FBXL2: variants seen among roughly 807,000 people sequenced by gnomAD.
The protein encoded by FBXL2 is F-box and leucine rich repeat protein 2.
Under a neutral mutation model 69.2 loss-of-function variants are expected in FBXL2, and 38 were observed. The ratio of observed to expected loss-of-function variants is 0.55; its 90% CI spans 0.42 to 0.72. The LOEUF is 0.72. Among genes scored for constraint, FBXL2 ranks in the 30% least tolerant of loss-of-function variants. The pLI is 0.00. For synonymous variants in FBXL2, 192 were observed against 201.3 expected, an observed-to-expected ratio of 0.95 and a Z score of 0.39; for missense variants, 354 against 520.3, an observed-to-expected ratio of 0.68 and a Z score of 3.11.
At chr3:33,356,773 TG>T (rs1305101782) in intron 2 of FBXL2, among the ~76,000 whole-genome samples, 2 of 152,192 alleles carry the variant, frequency 1.3e-5, no homozygotes, top group Non-Finnish European at 2.9e-5. Flanking sequence ...TGTTGAACTA[TG>T]GGGTAGGAGT....
intron 2 of FBXL2, among the ~76,000 whole-genome samples, chr3:33,352,179 A>G (rs909380186): frequency 2.6e-5 from 4 of 152,182 alleles, no homozygotes; most frequent in African/African-American, 7.2e-5. Context: ...CCACATAAAT[A>G]GTCAACTGAT....
At chr3:33,329,457 A>G (rs1485176318) in intron 2 of FBXL2, among the ~76,000 whole-genome samples, 1 of 151,744 alleles carries the variant, frequency 6.6e-6, no homozygotes, top group East Asian at 1.9e-4. Flanking sequence ...TCAAAGAGAT[A>G]TTTACACTCC....
chr3:33,390,595 G>A (rs1386995520), downstream of FBXL2: 7 of 581,648 alleles, frequency 1.2e-5, no homozygotes, highest in Middle Eastern at 3.2e-4. Flanking sequence ...CACTATCAAC[G>A]CCCGCATTCC....
rs373070610 is a variant in FBXL2, at chr3:33,348,536, A to G, written c.66-10431A>G. ...TAAATTTTAGGATTATTTTTATTCT[A>G]TTTTTGTGAAGATTGTCATTCATAT... On this transcript the variant is annotated intron_variant, in intron 2 of 14. Transcript: ENST00000484457. Among the ~76,000 whole-genome samples, 11 of 152,178 alleles carry G rather than the reference A, an allele frequency of 7.2e-5. No homozygotes were observed. In the East Asian group the frequency reaches 9.7e-4, roughly 13 times the overall value.
At chr3:33,316,938 G>C (rs1275524530) in intron 2 of FBXL2, among the ~76,000 whole-genome samples, 1 of 151,628 alleles carries the variant, frequency 6.6e-6, no homozygotes, top group Non-Finnish European at 1.5e-5. Context: ...ATCTCACTCT[G>C]TTGTCCAGGC....
intron 2 of FBXL2, among the ~76,000 whole-genome samples, chr3:33,311,988 GATTTC>G (rs1467905367): frequency 6.6e-6 from 1 of 152,070 alleles, no homozygotes; most frequent in African/African-American, 2.4e-5. Flanking sequence ...TTGTTTTTCT[GATTTC>G]ATTTAGTTGT....
chr3:33,392,672 A>G, downstream of FBXL2: 1 of 1,480,604 alleles, frequency 6.8e-7, no homozygotes, highest in Non-Finnish European at 9.3e-7. Flanking sequence ...GTTTCTTAAA[A>G]TGATTTTAAA....
intron 2 of FBXL2, among the ~76,000 whole-genome samples, chr3:33,304,572 T>G (rs2125739587): frequency 6.6e-6 from 1 of 152,186 alleles, no homozygotes; most frequent in South Asian, 2.1e-4. Flanking sequence ...GTATTTTGGT[T>G]GTTTCCAGTG....
At chr3:33,338,781 GT>G (rs753478109) in intron 2 of FBXL2, among the ~76,000 whole-genome samples, 26 of 152,072 alleles carry the variant, frequency 1.7e-4, no homozygotes, top group Non-Finnish European at 3.2e-4. Flanking sequence ...TCAGCTCAAG[GT>G]GGGTTAAAGA....
intron 1 of FBXL2, among the ~76,000 whole-genome samples, chr3:33,280,349 A>T (rs933682292): frequency 2.6e-5 from 4 of 152,216 alleles, no homozygotes; most frequent in Non-Finnish European, 5.9e-5. Context: ...CAGTGTTTTT[A>T]AAAAATGTAT....
At chr3:33,286,902 G>C (rs551174574) in intron 1 of FBXL2, among the ~76,000 whole-genome samples, 1 of 152,338 alleles carries the variant, frequency 6.6e-6, no homozygotes, top group South Asian at 2.1e-4. Context: ...CAGTATTAGA[G>C]TGGGAGTGTC....
chr3:33,296,925 A>G (rs1457437154), intron 1 of FBXL2, among the ~76,000 whole-genome samples: 2 of 152,146 alleles, frequency 1.3e-5, no homozygotes, highest in Non-Finnish European at 2.9e-5. Context: ...CAATTTCTGT[A>G]AAAAAGGCAG....
intron 1 of FBXL2, among the ~76,000 whole-genome samples, chr3:33,296,526 C>A (rs761948502): frequency 2.0e-5 from 3 of 151,968 alleles, no homozygotes; most frequent in Non-Finnish European, 4.4e-5. Flanking sequence ...TTATTTAAGT[C>A]GCTGAGCCAT....
At chr3:33,330,449 T>C (rs1307143329) in intron 2 of FBXL2, among the ~76,000 whole-genome samples, 2 of 152,162 alleles carry the variant, frequency 1.3e-5, no homozygotes, top group Non-Finnish European at 2.9e-5. Flanking sequence ...GGAGTGACTA[T>C]AGTTAACAAT....
chr3:33,367,646 C>T lies in FBXL2; in HGVS notation c.290+2927C>T, dbSNP rs904544992. 4.4e-4 allele frequency among the ~76,000 whole-genome samples: 66 copies of T among 150,604 alleles called. 1 individual carries two copies. The highest frequency in any genetic ancestry group is 1.4e-3 in the African/African-American group (58 of 40,882). ...GAGGTCTATCAATTTTATTGATATT[C>T]TCAAAGAACCAGCTTTTGTTTTCAC... On this transcript the variant is annotated intron_variant, in intron 5 of 14. Transcript: ENST00000484457.
intron 5 of FBXL2, among the ~76,000 whole-genome samples, chr3:33,367,269 C>T (rs144069298): frequency 1.4e-3 from 207 of 152,064 alleles, no homozygotes; most frequent in African/African-American, 4.9e-3. Context: ...TCAGTAGAGA[C>T]GGGGGTTTCA....
At chr3:33,410,735 A>T in the FBXL2 span, among the ~76,000 whole-genome samples, 1 of 152,196 alleles carries the variant, frequency 6.6e-6, no homozygotes, top group East Asian at 1.9e-4. Context: ...TCTTAGAGAC[A>T]TGATATTTAT....
At chr3:33,290,267 G>C (rs2035087126) in intron 1 of FBXL2, among the ~76,000 whole-genome samples, 1 of 152,174 alleles carries the variant, frequency 6.6e-6, no homozygotes, top group African/African-American at 2.4e-5. Flanking sequence ...CTCAAACCCA[G>C]CTCAACTATA....
chr3:33,385,317 A>T (rs1439693938), intron 14 of FBXL2, among the ~76,000 whole-genome samples, 184 bp from the exon 15 acceptor site: 2 of 152,130 alleles, frequency 1.3e-5, no homozygotes, highest in African/African-American at 4.8e-5. Context: ...ACTTATCCTT[A>T]GAAGGTACTA....
Sources: gnomAD v4.1 joint callset for allele counts (sites outside exome capture counted in the v4.1 genomes callset) on GRCh38, gnomAD v4.1.1 for gene constraint, MANE v1.5 for transcripts, NCBI Gene and HGNC (gene_info 2026-07-23, HGNC 2026-07-21) for gene names.